Variants in RRAS2 observed in about 807,000 individuals in gnomAD.
The protein encoded by RRAS2 is RAS related 2.
Under a neutral mutation model 27.6 loss-of-function variants are expected in RRAS2, and 7 were observed. That is an observed-to-expected ratio of 0.25 (90% CI 0.14 to 0.48). The LOEUF (loss-of-function observed/expected upper bound fraction) is 0.48. RRAS2 is among the 20% of genes least tolerant of loss of function. The pLI, the probability that RRAS2 is intolerant of heterozygous loss-of-function variation, is 0.99. For missense variants in RRAS2, 178 were observed against 256.2 expected (o/e 0.69, Z 2.08); for synonymous variants, 86 against 90.9 (o/e 0.95, Z 0.31).
chr11:14,358,757 A>C lies in RRAS2; in HGVS notation c.108+6T>G. The C allele has an allele frequency of 7.1e-7, 1 of 1,408,284 alleles. No homozygotes were observed. Among genetic ancestry groups the C allele is most frequent in the East Asian group, 3.2e-5 (1 of 31,166 alleles). 87.2% of individuals were successfully genotyped at this position (1,408,284 alleles called of 1,614,324 possible). ...CCGGCGCCCCGGGCAGGCCCGCTCC[A>C]GGTACCTGGATGAACTGGATGGTGA... is the stretch of plus-strand genomic sequence containing the variant. On this transcript the variant is annotated splice_donor_region_variant and intron_variant, in intron 1 of 5. Transcript: ENST00000256196. This position sits in a 1 kb window ranked among gnomAD's most constrained non-coding sequence, Gnocchi z 5.1.
At chr11:14,303,586 A>G (rs1373324455) in intron 1 of RRAS2, among the ~76,000 whole-genome samples, 6 of 152,072 alleles carry the variant, frequency 3.9e-5, no homozygotes, top group Non-Finnish European at 8.8e-5. Context: ...AAAAGGGGGG[A>G]AAAAAGTTTA....
At chr11:14,350,532 C>G (rs1554954621) in intron 1 of RRAS2, among the ~76,000 whole-genome samples, 2 of 152,068 alleles carry the variant, frequency 1.3e-5, no homozygotes. Flanking sequence ...CTTGTACAGC[C>G]TGCAAAAACT....
At chr11:14,303,111 G>A (rs1046207860) in intron 1 of RRAS2, among the ~76,000 whole-genome samples, 1 of 152,158 alleles carries the variant, frequency 6.6e-6, no homozygotes, top group Non-Finnish European at 1.5e-5. Flanking sequence ...ACTCCAACCA[G>A]AAAACAATCT....
chr11:14,293,196 A>G (rs1470329719), intron 4 of RRAS2, among the ~76,000 whole-genome samples: 2 of 135,982 alleles, frequency 1.5e-5, no homozygotes, highest in Non-Finnish European at 3.1e-5. Flanking sequence ...GAAATTGGGT[A>G]TGCCGCCAAT....
At chr11:14,299,870 G>A (rs782612870) in intron 1 of RRAS2, among the ~76,000 whole-genome samples, 3 of 152,178 alleles carry the variant, frequency 2.0e-5, no homozygotes, top group Admixed American at 6.5e-5. Context: ...CAGAAGGCAA[G>A]AGAAGTTAGA....
chr11:14,303,333 G>A (rs1245080453), intron 1 of RRAS2, among the ~76,000 whole-genome samples: 8 of 152,100 alleles, frequency 5.3e-5, no homozygotes, highest in Admixed American at 5.2e-4. Context: ...AAACTCAATG[G>A]GTATAAGCAT....
intron 2 of RRAS2, 110 bp from the exon 3 acceptor site, chr11:14,294,972 T>C: frequency 1.2e-6 from 1 of 802,312 alleles, no homozygotes; most frequent in South Asian, 1.7e-5. Context: ...CTTGGTATAA[T>C]ACAGAAATGG....
Position 14,358,082 on chromosome 11 carries a change from A to T in RRAS2, c.108+681T>A, listed in dbSNP as rs1055737473. 6.6e-6 allele frequency among the ~76,000 whole-genome samples: 1 copy of T among 152,210 alleles called. No individual in the cohort carries two copies. Among genetic ancestry groups the T allele is most frequent in the Admixed American group, 6.5e-5 (1 of 15,286 alleles). On this transcript the variant is annotated intron_variant, in intron 1 of 5. Coordinates refer to ENST00000256196, the MANE Select transcript of RRAS2 (RefSeq NM_012250.6). The surrounding 1 kb of genome is among the most constrained non-coding windows in gnomAD (Gnocchi z 5.1). ...CAAACTTCACCTAGGCACGGCGAGA[A>T]GCAGGACGGCATCAGGAATTCCTAG...
chr11:14,284,220 A>G (rs1269910567), intron 4 of RRAS2, among the ~76,000 whole-genome samples: 2 of 152,002 alleles, frequency 1.3e-5, no homozygotes, highest in Admixed American at 1.3e-4. Flanking sequence ...ATAAATTTTG[A>G]TGTTGTGTTC....
chr11:14,314,728 C>T (rs1370783018), intron 1 of RRAS2, among the ~76,000 whole-genome samples: 1 of 152,142 alleles, frequency 6.6e-6, no homozygotes, highest in Non-Finnish European at 1.5e-5. Flanking sequence ...CTCACTCTGT[C>T]GCCCATGCTG....
chr11:14,281,598 T>C lies in RRAS2; in HGVS notation c.527+4A>G. On this transcript the variant is annotated splice_donor_region_variant and intron_variant, in intron 5 of 5. Transcript: ENST00000256196. ...AACACACATCTAGAATGTGTTTTGC[T>C]TACCTGATAACCCGGACAAGTTCAT... 6.3e-7 allele frequency: 1 copy of C among 1,594,876 alleles called. No individual in the cohort carries two copies. The highest frequency in any genetic ancestry group is 8.5e-7 in the Non-Finnish European group (1 of 1,173,006).
intron 1 of RRAS2, among the ~76,000 whole-genome samples, chr11:14,339,293 A>AGG (rs549908438): frequency 2.1e-3 from 136 of 63,894 alleles, no homozygotes; most frequent in African/African-American, 7.9e-3. Flanking sequence ...AAAAAAAAAA[A>AGG]GGGGGGGGGG....
chr11:14,295,347 G>C (rs910512037), intron 2 of RRAS2, among the ~76,000 whole-genome samples: 1 of 152,226 alleles, frequency 6.6e-6, no homozygotes, highest in Admixed American at 6.5e-5. Context: ...TCTTTGTGGA[G>C]AGGGGGGATG....
At chr11:14,297,655 C>G (rs930027215) in intron 1 of RRAS2, among the ~76,000 whole-genome samples, 39 of 151,882 alleles carry the variant, frequency 2.6e-4, no homozygotes, top group African/African-American at 9.2e-4. Context: ...CTAGTTACTC[C>G]GGAGGCTGAG....
chr11:14,306,891 TAAAA>T (rs11287532), intron 1 of RRAS2, among the ~76,000 whole-genome samples: 12 of 133,164 alleles, frequency 9.0e-5, no homozygotes, highest in Admixed American at 2.2e-4. Flanking sequence ...TGTGCCAAGA[TAAAA>T]AAAAAAAAAA....
chr11:14,321,879 T>A (rs1591470632), intron 1 of RRAS2, among the ~76,000 whole-genome samples: 1 of 152,166 alleles, frequency 6.6e-6, no homozygotes, highest in Admixed American at 6.5e-5. Context: ...TGGCTTCTGG[T>A]ATAATTCCTC....
chr11:14,310,858 A>C (rs1847947992), intron 1 of RRAS2, among the ~76,000 whole-genome samples: 1 of 152,110 alleles, frequency 6.6e-6, no homozygotes, highest in South Asian at 2.1e-4. Flanking sequence ...ATTGTAACCT[A>C]TTGTGTGGCT....
rs1015087676 is a variant in RRAS2 at position 14,281,705 on chromosome 11, C to T, written c.424G>A (p.Gly142Arg). 2 of 1,598,232 alleles carry T rather than the reference C, an allele frequency of 1.3e-6. No homozygotes were observed. Among genetic ancestry groups the T allele is most frequent in the African/African-American group, 1.3e-5 (1 of 74,086 alleles). ...DHQRQVTQEEGQQLARQLKVT... is the reference protein window; with the variant it reads ...DHQRQVTQEERQQLARQLKVT... ...TTAAGCTGCCGTGCTAACTGTTGTCCTTCTTCCTGTGTTACCTGAAATTCC... is the reference window on the plus strand; with the variant it reads ...TTAAGCTGCCGTGCTAACTGTTGTCTTTCTTCCTGTGTTACCTGAAATTCC... The change falls in exon 5 of 6, where the codon GGA becomes AGA. Residue 142 changes from glycine (G) to arginine (R), a missense_variant. Gly to Arg is a moderately radical substitution (Grantham distance 125). Coordinates refer to ENST00000256196, the MANE Select transcript of RRAS2 (RefSeq NM_012250.6).
chr11:14,329,176 T>A (rs1848436279), intron 1 of RRAS2, among the ~76,000 whole-genome samples: 1 of 151,688 alleles, frequency 6.6e-6, no homozygotes, highest in African/African-American at 2.4e-5. Flanking sequence ...AATGGCGCGA[T>A]CTCAGCTCAC....
Sources: allele counts gnomAD v4.1 joint callset (sites outside exome capture counted in the v4.1 genomes callset), GRCh38; gene constraint gnomAD v4.1.1; non-coding constraint Gnocchi (gnomAD v3.1); transcripts MANE v1.5; gene names NCBI Gene and HGNC (gene_info 2026-07-23, HGNC 2026-07-21).